The following TRIQK variants were observed in gnomAD, a reference collection of about 807,000 sequenced individuals.
TRIQK encodes the protein triple QxxK/R motif containing, also known as triple QxxK/R motif-containing protein.
Under a neutral mutation model 10.8 loss-of-function variants are expected in TRIQK, and 10 were observed. The ratio of observed to expected loss-of-function variants is 0.92; its 90% CI spans 0.57 to 1.57. TRIQK has a LOEUF of 1.57. Among genes scored for constraint, TRIQK ranks in the 40% most tolerant of loss-of-function variants. The probability of loss-of-function intolerance (pLI) is 0.00; values close to 1 mark genes in which losing one functional copy is unlikely to be tolerated. For missense variants in TRIQK, 107 were observed against 97.7 expected (o/e 1.09, Z -0.40); for synonymous variants, 33 against 33.7 (o/e 0.98, Z 0.07).
chr8:92,912,652 C>A (rs2130429488), intron 3 of TRIQK, among the ~76,000 whole-genome samples: 1 of 151,864 alleles, frequency 6.6e-6, no homozygotes, highest in Admixed American at 6.6e-5. Flanking sequence ...GCAGACATTA[C>A]AACTGATGCC....
At chr8:92,963,479 A>G (rs961893544) in intron 1 of TRIQK, 1 of 152,162 alleles carries the variant, frequency 6.6e-6, no homozygotes, top group Non-Finnish European at 1.5e-5. Flanking sequence ...AAAAAAAAAA[A>G]AACAGTTCTA....
chr8:92,958,020 A>C (rs1455645246), intron 1 of TRIQK, among the ~76,000 whole-genome samples: 1 of 151,922 alleles, frequency 6.6e-6, no homozygotes, highest in Admixed American at 6.6e-5. Flanking sequence ...CAAAATACCA[A>C]TTTGATCATG....
chr8:92,935,764 T>G (rs533036775), intron 2 of TRIQK, among the ~76,000 whole-genome samples: 12 of 151,590 alleles, frequency 7.9e-5, no homozygotes, highest in African/African-American at 2.9e-4. Flanking sequence ...GACTCAATAT[T>G]CAGCAGAGAT....
intron 4 of TRIQK, among the ~76,000 whole-genome samples, chr8:92,887,449 T>A (rs925628059): frequency 1.3e-5 from 2 of 151,426 alleles, no homozygotes; most frequent in African/African-American, 4.8e-5. Flanking sequence ...TGATAAAAAA[T>A]TTACTCATAT....
At chr8:92,914,771 C>G (rs1311261541) in intron 3 of TRIQK, among the ~76,000 whole-genome samples, 1 of 151,956 alleles carries the variant, frequency 6.6e-6, no homozygotes, top group Non-Finnish European at 1.5e-5. Context: ...AGACAGAATC[C>G]TTGTATATTC....
intron 3 of TRIQK, among the ~76,000 whole-genome samples, chr8:92,903,724 T>C (rs1175631170): frequency 6.6e-6 from 1 of 152,144 alleles, no homozygotes; most frequent in Admixed American, 6.6e-5. Flanking sequence ...TATTTATTTG[T>C]ATCAATAAAT....
At chr8:92,905,807 C>G (rs567669194) in intron 3 of TRIQK, among the ~76,000 whole-genome samples, 5 of 152,226 alleles carry the variant, frequency 3.3e-5, no homozygotes, top group African/African-American at 1.2e-4. Context: ...AAGTGTCAGT[C>G]TCTAGGGTTT....
At chr8:93,012,330 TG>T (rs1586531822) in intron 1 of TRIQK, among the ~76,000 whole-genome samples, 1 of 152,194 alleles carries the variant, frequency 6.6e-6, no homozygotes, top group East Asian at 1.9e-4. Flanking sequence ...AAAATGTCTT[TG>T]TTGATGATCA....
chr8:92,904,316 T>C (rs1221341881), intron 3 of TRIQK, among the ~76,000 whole-genome samples: 4 of 152,090 alleles, frequency 2.6e-5, no homozygotes, highest in African/African-American at 9.7e-5. Flanking sequence ...AGTAGAACTA[T>C]TACTCCCTTT....
intron 2 of TRIQK, chr8:92,953,806 A>G (rs1007777012): frequency 1.3e-5 from 2 of 152,062 alleles, no homozygotes; most frequent in Admixed American, 6.6e-5. Flanking sequence ...ATGGAGAGCT[A>G]TTTAAAGGCT....
intron 1 of TRIQK, among the ~76,000 whole-genome samples, chr8:93,004,874 A>G (rs1813252176): frequency 6.6e-6 from 1 of 152,200 alleles, no homozygotes; most frequent in Non-Finnish European, 1.5e-5. Flanking sequence ...TCCATCTGAG[A>G]CCAGCTCAGC....
chr8:92,970,514 T>C (rs1354454501), upstream of TRIQK, among the ~76,000 whole-genome samples: 1 of 152,220 alleles, frequency 6.6e-6, no homozygotes, highest in Admixed American at 6.5e-5. Context: ...TGAAATGGTA[T>C]CTCATTATAG....
Position 92,884,714 on chromosome 8 carries a change from C to A in TRIQK, c.*1908G>T. ...TTCATTTGGATAAGTATCTAATAAGCAATTATTACATATCCTCTCATTTAA... is the reference window on the plus strand; with the variant it reads ...TTCATTTGGATAAGTATCTAATAAGAAATTATTACATATCCTCTCATTTAA... On this transcript the variant is annotated 3_prime_UTR_variant, in exon 5 of 5. Coordinates refer to ENST00000521988, the MANE Select transcript of TRIQK (RefSeq NM_001171797.2). 1 of 395,852 alleles carries A rather than the reference C, an allele frequency of 2.5e-6. No homozygotes were observed. The highest frequency in any genetic ancestry group is 5.1e-6 in the Non-Finnish European group (1 of 197,734). 24.5% of individuals were successfully genotyped at this position (395,852 alleles called of 1,614,324 possible). A position where few individuals can be genotyped will look rare whatever the true frequency, so the allele number is the denominator to read the frequency against.
intron 2 of TRIQK, among the ~76,000 whole-genome samples, chr8:92,942,923 G>A (rs557589335): frequency 6.6e-6 from 1 of 151,978 alleles, no homozygotes; most frequent in Non-Finnish European, 1.5e-5. Flanking sequence ...GAACTCCTGA[G>A]GTCAGGCAAT....
intron 3 of TRIQK, among the ~76,000 whole-genome samples, chr8:92,903,310 TG>T (rs1809057553): frequency 6.6e-6 from 1 of 152,250 alleles, no homozygotes; most frequent in South Asian, 2.1e-4. Flanking sequence ...CATTTGTCAT[TG>T]GTTATGGAAG....
intron 2 of TRIQK, among the ~76,000 whole-genome samples, chr8:92,935,653 T>G (rs985245749): frequency 6.6e-6 from 1 of 151,328 alleles, no homozygotes; most frequent in East Asian, 1.9e-4. Flanking sequence ...ATGATCAACA[T>G]AGACAAAAAC....
chr8:92,908,528 A>G (rs1205053375), intron 3 of TRIQK, among the ~76,000 whole-genome samples: 2 of 152,196 alleles, frequency 1.3e-5, no homozygotes, highest in East Asian at 1.9e-4. Context: ...TCCTCAATTC[A>G]TTGTCTTTTA....
chr8:92,888,689 C>A (rs951890984), intron 4 of TRIQK, among the ~76,000 whole-genome samples: 19 of 151,422 alleles, frequency 1.3e-4, no homozygotes, highest in Non-Finnish European at 2.4e-4. Context: ...AGCTTTAAAT[C>A]AAAAAGAACA....
chr8:92,889,626 G>C (rs1816662752), intron 4 of TRIQK, among the ~76,000 whole-genome samples: 2 of 151,450 alleles, frequency 1.3e-5, no homozygotes, highest in African/African-American at 4.8e-5. Flanking sequence ...ACACAAACTG[G>C]GAATGGCTAA....
Sources: allele counts gnomAD v4.1 joint callset (sites outside exome capture counted in the v4.1 genomes callset), GRCh38; gene constraint gnomAD v4.1.1; transcripts MANE v1.5; gene names NCBI Gene and HGNC (gene_info 2026-07-23, HGNC 2026-07-21).